The following TBC1D31 variants were observed in gnomAD, a reference collection of about 807,000 sequenced individuals.
TBC1D31 encodes the protein TBC1 domain family member 31.
In TBC1D31, 99 loss-of-function variants were observed where a neutral mutation model predicts 132.9. The observed-to-expected ratio is 0.74, with a 90% CI of 0.63 to 0.88. The LOEUF (loss-of-function observed/expected upper bound fraction) is 0.88. Among genes scored for constraint, TBC1D31 ranks in the 40% least tolerant of loss-of-function variants. The pLI is 0.00. For synonymous variants in TBC1D31, 385 were observed against 419.4 expected (o/e 0.92, Z 1.00); for missense variants, 1,134 against 1,256.6 (o/e 0.90, Z 1.48).
chr8:123,152,060 T>A lies in TBC1D31; in HGVS notation c.*121T>A, dbSNP rs1822837891. ...AGCCCTTTGTACAGAAAAATGTGTC[T>A]ATAAAAATTATGTGTTATTTAATTC... On this transcript the variant is annotated 3_prime_UTR_variant, in exon 22 of 22. Transcript: ENST00000287380. 1.0e-6 allele frequency: 1 copy of A among 964,278 alleles called. No individual in the cohort carries two copies. Among genetic ancestry groups the A allele is most frequent in the Admixed American group, 3.9e-5 (1 of 25,538 alleles). The allele number at this position is 964,278 out of a possible 1,614,324, so 59.7% of individuals were successfully genotyped here.
intron 20 of TBC1D31, among the ~76,000 whole-genome samples, chr8:123,145,563 T>G (rs1258722573): frequency 6.6e-6 from 1 of 152,108 alleles, no homozygotes; most frequent in Non-Finnish European, 1.5e-5. Context: ...AAAATTATAA[T>G]TTAAAACTGT....
At chr8:123,098,815 A>G (rs910415528) in intron 6 of TBC1D31, among the ~76,000 whole-genome samples, 4 of 152,210 alleles carry the variant, frequency 2.6e-5, no homozygotes, top group African/African-American at 4.8e-5. Context: ...TAGTGGCATA[A>G]AGGTTATGTG....
chr8:123,130,861 A>T (rs1383278959), intron 16 of TBC1D31, among the ~76,000 whole-genome samples: 1 of 151,628 alleles, frequency 6.6e-6, no homozygotes, highest in African/African-American at 2.4e-5. Flanking sequence ...ACCTCAGGTG[A>T]TCTGCCCACC....
the TBC1D31 span, among the ~76,000 whole-genome samples, chr8:123,163,364 CT>C: frequency 7.3e-5 from 8 of 110,074 alleles, no homozygotes; most frequent in Admixed American, 1.1e-4. Flanking sequence ...TCACTTTAAC[CT>C]TTTTTTTTTT....
chr8:123,082,872 C>A, intron 3 of TBC1D31, 55 bp downstream of exon 3: 1 of 1,229,122 alleles, frequency 8.1e-7, no homozygotes, highest in Non-Finnish European at 1.2e-6. Flanking sequence ...AACTGAAGAA[C>A]TGCAAGAACT....
At chr8:123,078,069 G>C (rs946384107) in intron 2 of TBC1D31, among the ~76,000 whole-genome samples, 2 of 152,044 alleles carry the variant, frequency 1.3e-5, no homozygotes, top group Non-Finnish European at 2.9e-5. Context: ...AAAAAAGTTG[G>C]TTTTCACTCT....
chr8:123,137,891 C>T (rs1821252409), intron 17 of TBC1D31, among the ~76,000 whole-genome samples: 1 of 152,242 alleles, frequency 6.6e-6, no homozygotes, highest in African/African-American at 2.4e-5. Flanking sequence ...TTACTCAGGC[C>T]TACTGAGTTA....
intron 20 of TBC1D31, among the ~76,000 whole-genome samples, chr8:123,149,467 T>G (rs1822569975): frequency 6.6e-6 from 1 of 152,208 alleles, no homozygotes; most frequent in East Asian, 1.9e-4. Context: ...CAAATGTTTT[T>G]AAAAACACCT....
chr8:123,108,336 A>C (rs1338870490), intron 8 of TBC1D31, among the ~76,000 whole-genome samples: 1 of 152,214 alleles, frequency 6.6e-6, no homozygotes, highest in Non-Finnish European at 1.5e-5. Flanking sequence ...TAAATTCTAT[A>C]AAATATTTTT....
At chr8:123,139,578 G>A (rs867059231) in intron 17 of TBC1D31, among the ~76,000 whole-genome samples, 6 of 152,150 alleles carry the variant, frequency 3.9e-5, no homozygotes, top group African/African-American at 1.4e-4. Context: ...CAGCTAGGCA[G>A]TTTATACTTT....
chr8:123,108,142 C>G (rs1204379882), intron 8 of TBC1D31, among the ~76,000 whole-genome samples: 3 of 152,130 alleles, frequency 2.0e-5, no homozygotes, highest in African/African-American at 7.2e-5. Flanking sequence ...GTAAAAAGAG[C>G]ACTAAACGAA....
chr8:123,111,345 T>G (rs146159253), intron 10 of TBC1D31, among the ~76,000 whole-genome samples: 3 of 152,324 alleles, frequency 2.0e-5, no homozygotes, highest in African/African-American at 7.2e-5. Flanking sequence ...GATCAACTAC[T>G]TGGTTACCGG....
intron 10 of TBC1D31, 115 bp downstream of exon 10, chr8:123,109,735 A>T: frequency 1.0e-6 from 1 of 981,782 alleles, no homozygotes; most frequent in South Asian, 1.9e-5. Context: ...CTTATGTGAT[A>T]TGTTGGTTTA....
At chr8:123,159,084 T>C in the TBC1D31 span, among the ~76,000 whole-genome samples, 1 of 152,012 alleles carries the variant, frequency 6.6e-6, no homozygotes, top group Non-Finnish European at 1.5e-5. Flanking sequence ...TAGATCCAGC[T>C]GTTTCTCCCA....
At chr8:123,128,604 C>T (rs998217979) in intron 14 of TBC1D31, 91 bp downstream of exon 14, 45 of 1,006,706 alleles carry the variant, frequency 4.5e-5, no homozygotes, top group East Asian at 3.7e-4. Flanking sequence ...TGGCTGAGCG[C>T]GGTGGCTCAC....
At chr8:123,105,931 C>A (rs1817880894) in intron 8 of TBC1D31, among the ~76,000 whole-genome samples, 1 of 152,004 alleles carries the variant, frequency 6.6e-6, no homozygotes, top group Admixed American at 6.6e-5. Flanking sequence ...CTCTCCCTCA[C>A]CCCCACCCAC....
intron 6 of TBC1D31, among the ~76,000 whole-genome samples, 162 bp from the exon 7 acceptor site, chr8:123,100,645 T>C (rs1271978621): frequency 6.6e-6 from 1 of 151,948 alleles, no homozygotes; most frequent in East Asian, 1.9e-4. Flanking sequence ...GAATTTCCTC[T>C]AGGTGTCCCT....
At chr8:123,122,145 T>C (rs565586987) in intron 11 of TBC1D31, among the ~76,000 whole-genome samples, 2 of 152,342 alleles carry the variant, frequency 1.3e-5, no homozygotes, top group Admixed American at 6.5e-5. Context: ...TTCTTCAAAA[T>C]TCCAAACATA....
the TBC1D31 span, among the ~76,000 whole-genome samples, chr8:123,160,960 G>A: frequency 6.6e-6 from 1 of 152,216 alleles, no homozygotes; most frequent in Non-Finnish European, 1.5e-5. Context: ...CTCGGGAGGG[G>A]ACCGCTGGCT....
Sources: allele counts gnomAD v4.1 joint callset (sites outside exome capture counted in the v4.1 genomes callset), GRCh38; gene constraint gnomAD v4.1.1; transcripts MANE v1.5; gene names NCBI Gene and HGNC (gene_info 2026-07-23, HGNC 2026-07-21).